Variants in PRKCA observed in about 807,000 individuals in gnomAD.
PRKCA encodes the protein protein kinase C alpha type.
Under a neutral mutation model 87.0 loss-of-function variants are expected in PRKCA, and 27 were observed. The observed-to-expected ratio is 0.31, with a 90% CI of 0.23 to 0.43. The LOEUF is 0.43. Among genes scored for constraint, PRKCA ranks in the 20% least tolerant of loss-of-function variants. The pLI is 1.00. For synonymous variants in PRKCA, 329 were observed against 311.1 expected (o/e 1.06, Z -0.61); for missense variants, 518 against 852.3 (o/e 0.61, Z 4.88).
At chr17:66,562,558 T>C (rs151211657) in intron 3 of PRKCA, among the ~76,000 whole-genome samples, 1,987 of 151,884 alleles carry the variant, frequency 0.013, 44 homozygotes, top group African/African-American at 0.046. Flanking sequence ...GATATTCCAG[T>C]GTATGTGAAA....
chr17:66,424,035 A>C (rs1370158945), intron 2 of PRKCA, among the ~76,000 whole-genome samples: 1 of 152,200 alleles, frequency 6.6e-6, no homozygotes, highest in South Asian at 2.1e-4. Flanking sequence ...GCAGAAGTGT[A>C]GAGAGCTGTG....
intron 2 of PRKCA, chr17:66,364,067 C>G (rs552471822): frequency 2.0e-4 from 31 of 152,984 alleles, no homozygotes; most frequent in Non-Finnish European, 2.6e-4. Context: ...CCCAGCTACT[C>G]AGGAGGCTGA....
intron 2 of PRKCA, among the ~76,000 whole-genome samples, chr17:66,444,976 C>G (rs1913959417): frequency 6.6e-6 from 1 of 152,180 alleles, no homozygotes; most frequent in Non-Finnish European, 1.5e-5. Flanking sequence ...CAGACTCCCT[C>G]ACTGACCTTA....
intron 2 of PRKCA, among the ~76,000 whole-genome samples, chr17:66,381,145 T>C (rs1909756931): frequency 6.6e-6 from 1 of 152,054 alleles, no homozygotes; most frequent in African/African-American, 2.4e-5. Flanking sequence ...TCTCGCTATG[T>C]TGGCTGGGCT....
intron 2 of PRKCA, among the ~76,000 whole-genome samples, chr17:66,422,292 C>A (rs1388121167): frequency 6.6e-6 from 1 of 152,144 alleles, no homozygotes; most frequent in Non-Finnish European, 1.5e-5. Flanking sequence ...TCATAACACC[C>A]ACTTCACTTT....
chr17:66,588,757 T>C (rs1483245686), intron 3 of PRKCA, among the ~76,000 whole-genome samples: 1 of 144,882 alleles, frequency 6.9e-6, no homozygotes, highest in African/African-American at 2.5e-5. Flanking sequence ...TCTAGTGCCC[T>C]AGCCTCCTGA....
chr17:66,783,052 C>T (rs1440078163), intron 14 of PRKCA, among the ~76,000 whole-genome samples: 1 of 152,224 alleles, frequency 6.6e-6, no homozygotes, highest in South Asian at 2.1e-4. Flanking sequence ...AACATAGACT[C>T]ACAGCGGTGA....
chr17:66,671,209 C>CAAAAAAAAAAAA (rs778507190), intron 5 of PRKCA, among the ~76,000 whole-genome samples: 11 of 48,448 alleles, frequency 2.3e-4, no homozygotes, highest in African/African-American at 7.3e-4. Context: ...AGACTCATCT[C>CAAAAAAAAAAAA]AAAAAAAAAA....
At chr17:66,573,646 G>T (rs2143408792) in intron 3 of PRKCA, among the ~76,000 whole-genome samples, 1 of 152,254 alleles carries the variant, frequency 6.6e-6, no homozygotes, top group South Asian at 2.1e-4. Flanking sequence ...ATGTTGACAG[G>T]CATTTACAAC....
rs112347000 is a variant in PRKCA at position 66,487,010 on chromosome 17, C to A, written c.206-9191C>A. On this transcript the variant is annotated intron_variant, in intron 2 of 16. Coordinates refer to ENST00000413366, the MANE Select transcript of PRKCA (RefSeq NM_002737.3). Reference sequence around the variant, plus strand: ...AAATCAGGGCAACTGAAATATTCATCATCTCAAACATTTATCTTTTGTGTT... The same window carrying A: ...AAATCAGGGCAACTGAAATATTCATAATCTCAAACATTTATCTTTTGTGTT... Among the ~76,000 whole-genome samples the A allele has an allele frequency of 2.8e-3, 421 of 152,264 alleles. 5 individuals carry two copies. The highest frequency in any genetic ancestry group is 9.6e-3 in the African/African-American group (400 of 41,566).
rs1955429901 is a variant in PRKCA, at chr17:66,810,635, T to C, written c.*6598T>C. ...GGATGTGTAAATTACTGCATTGCTT[T>C]TTTTTTCAGTTTGTATAACCTCTAA... On this transcript the variant is annotated 3_prime_UTR_variant, in exon 17 of 17. Transcript: ENST00000413366. 1 of 152,198 alleles carries C rather than the reference T, an allele frequency of 6.6e-6. No individual in the cohort carries two copies. Among genetic ancestry groups the C allele is most frequent in the African/African-American group, 2.4e-5 (1 of 41,442 alleles). The allele number at this position is 152,198 out of a possible 1,614,324, so 9.4% of individuals were successfully genotyped here.
chr17:66,496,731 C>T (rs555295019), intron 3 of PRKCA, among the ~76,000 whole-genome samples: 18 of 151,916 alleles, frequency 1.2e-4, no homozygotes, highest in Non-Finnish European at 2.2e-4. Context: ...GCAACCTCCG[C>T]CTTCCAGGTT....
chr17:66,363,770 T>A (rs1908535721), intron 2 of PRKCA, among the ~76,000 whole-genome samples: 1 of 152,216 alleles, frequency 6.6e-6, no homozygotes, highest in East Asian at 1.9e-4. Context: ...TGGCACGATC[T>A]TGGCTCACTG....
chr17:66,638,199 C>A (rs1224747726), intron 3 of PRKCA: 1 of 151,198 alleles, frequency 6.6e-6, no homozygotes, highest in Non-Finnish European at 1.5e-5. Flanking sequence ...TATTGAGAGC[C>A]AGATCCTCAT....
At chr17:66,319,137 C>T (rs1006719483) in intron 2 of PRKCA, among the ~76,000 whole-genome samples, 1 of 152,010 alleles carries the variant, frequency 6.6e-6, no homozygotes, top group African/African-American at 2.4e-5. Context: ...CCTCCACCCC[C>T]ACCCAAAAAA....
At chr17:66,434,447 A>C (rs987199272) in intron 2 of PRKCA, among the ~76,000 whole-genome samples, 2 of 152,086 alleles carry the variant, frequency 1.3e-5, no homozygotes, top group Admixed American at 6.5e-5. Flanking sequence ...CACTGATCTG[A>C]GCTTATAGAT....
At chr17:66,723,558 G>T (rs1446245518) in intron 8 of PRKCA, among the ~76,000 whole-genome samples, 1 of 151,068 alleles carries the variant, frequency 6.6e-6, no homozygotes, top group East Asian at 2.0e-4. Flanking sequence ...AACCCAGGAG[G>T]TGGAGGTTGC....
chr17:66,332,047 T>A (rs1598596669), intron 2 of PRKCA, among the ~76,000 whole-genome samples: 2 of 28,240 alleles, frequency 7.1e-5, no homozygotes, highest in East Asian at 2.3e-3. Flanking sequence ...AGCAAACCAA[T>A]TTTTTTTTTT....
In PRKCA at chr17:66,343,842, T is replaced by A. The variant is rs527771693; in HGVS notation, c.205+37715T>A. Among the ~76,000 whole-genome samples, 18 of 152,242 alleles carry A rather than the reference T, an allele frequency of 1.2e-4. No individual in the cohort carries two copies. The East Asian group carries it at 3.1e-3, about 26-fold the overall frequency. On this transcript the variant is annotated intron_variant, in intron 2 of 16. Coordinates refer to ENST00000413366, the MANE Select transcript of PRKCA (RefSeq NM_002737.3). ...AACTTGATGTTTGTTTATGTCTGAA[T>A]CATCTGAATCATGAGGCTGGACCAG...
Sources: allele counts gnomAD v4.1 joint callset (sites outside exome capture counted in the v4.1 genomes callset), GRCh38; gene constraint gnomAD v4.1.1; transcripts MANE v1.5; gene names NCBI Gene and HGNC (gene_info 2026-07-23, HGNC 2026-07-21).